The following GALNT13 variants were observed in gnomAD, a reference collection of about 807,000 sequenced individuals.
GALNT13 encodes the protein UDP-GalNAc:polypeptide N-acetylgalactosaminyltransferase 13.
Under a neutral mutation model 64.2 loss-of-function variants are expected in GALNT13, and 28 were observed. That is an observed-to-expected ratio of 0.44 (90% confidence interval 0.32 to 0.60). GALNT13 has a LOEUF of 0.60. Among genes scored for constraint, GALNT13 ranks in the 20% least tolerant of loss-of-function variants. GALNT13 has a pLI of 0.05. For synonymous variants in GALNT13, 214 were observed against 224.6 expected, an observed-to-expected ratio of 0.95 and a Z score of 0.42; for missense variants, 577 against 669.8, an observed-to-expected ratio of 0.86 and a Z score of 1.53.
intron 3 of GALNT13, among the ~76,000 whole-genome samples, chr2:154,028,656 TCAC>T (rs1312288637): frequency 6.6e-6 from 1 of 152,110 alleles, no homozygotes; most frequent in Non-Finnish European, 1.5e-5. Context: ...TTAACTTGAC[TCAC>T]ATTTTTATTA....
chr2:153,731,748 A>G, the GALNT13 span, among the ~76,000 whole-genome samples: 4 of 152,110 alleles, frequency 2.6e-5, no homozygotes, highest in South Asian at 8.3e-4. Context: ...ATATTTGCCA[A>G]TTTTATATTT....
chr2:154,310,040 A>G (rs1033924152), intron 9 of GALNT13, among the ~76,000 whole-genome samples: 5 of 152,172 alleles, frequency 3.3e-5, no homozygotes, highest in South Asian at 2.1e-4. Context: ...GCTCCCTTTT[A>G]CCTTGAAGGT....
chr2:154,179,461 A>G (rs1409160910), intron 4 of GALNT13, among the ~76,000 whole-genome samples: 1 of 152,072 alleles, frequency 6.6e-6, no homozygotes, highest in Non-Finnish European at 1.5e-5. Flanking sequence ...CTTCCTGTTG[A>G]TTCTCTCATA....
At chr2:153,259,233 G>T in the GALNT13 span, among the ~76,000 whole-genome samples, 1 of 152,066 alleles carries the variant, frequency 6.6e-6, no homozygotes, top group Non-Finnish European at 1.5e-5. Context: ...TCTGAAATAA[G>T]TATAGCTTCT....
chr2:153,196,694 C>T, the GALNT13 span, among the ~76,000 whole-genome samples: 1 of 152,102 alleles, frequency 6.6e-6, no homozygotes, highest in Non-Finnish European at 1.5e-5. Context: ...TTTCTGCCTG[C>T]CCCTCTGCCC....
At chr2:153,613,984 A>G in the GALNT13 span, among the ~76,000 whole-genome samples, 7 of 152,118 alleles carry the variant, frequency 4.6e-5, no homozygotes, top group Admixed American at 3.9e-4. Context: ...CACGTTGTGC[A>G]CATGTACCCT....
chr2:154,188,912 T>G (rs1254262904), intron 4 of GALNT13, among the ~76,000 whole-genome samples: 1 of 152,158 alleles, frequency 6.6e-6, no homozygotes, highest in Non-Finnish European at 1.5e-5. Context: ...TGCCATTACT[T>G]TTAATGGCAA....
the GALNT13 span, among the ~76,000 whole-genome samples, chr2:153,129,315 G>A: frequency 6.6e-6 from 1 of 152,098 alleles, no homozygotes; most frequent in African/African-American, 2.4e-5. Context: ...CTTGTGCAAG[G>A]TGCTTAGGTG....
chr2:154,310,920 C>G (rs1224644569), intron 9 of GALNT13, among the ~76,000 whole-genome samples: 1 of 85,988 alleles, frequency 1.2e-5, no homozygotes, highest in East Asian at 4.9e-4. Flanking sequence ...AAGTATCAAA[C>G]AATTAGCTGT....
the GALNT13 span, among the ~76,000 whole-genome samples, chr2:153,492,103 A>G: frequency 6.6e-6 from 1 of 152,238 alleles, no homozygotes; most frequent in Non-Finnish European, 1.5e-5. Flanking sequence ...AGGAGTTCAG[A>G]GGATTCTGGC....
At chr2:153,351,448 G>T in the GALNT13 span, among the ~76,000 whole-genome samples, 119,005 of 152,072 alleles carry the variant, frequency 0.78, 47,343 homozygotes, top group Middle Eastern at 0.86. Flanking sequence ...TTATAACTGA[G>T]GAACCTACGT....
chr2:154,142,887 T>C (rs67008697), intron 4 of GALNT13, among the ~76,000 whole-genome samples: 7,097 of 152,130 alleles, frequency 0.047, 219 homozygotes, highest in South Asian at 0.11. Flanking sequence ...TAAAAGTACA[T>C]ACAATAAGCA....
At chr2:153,396,073 C>A in the GALNT13 span, among the ~76,000 whole-genome samples, 87 of 152,204 alleles carry the variant, frequency 5.7e-4, no homozygotes, top group African/African-American at 1.9e-3. Flanking sequence ...GCTTTGCTTA[C>A]AAAATCAGGC....
chr2:153,187,379 T>G, the GALNT13 span: 1 of 152,200 alleles, frequency 6.6e-6, no homozygotes, highest in Non-Finnish European at 1.5e-5. Context: ...ATGGAGAATC[T>G]TTTCAGTGTG....
At chr2:153,367,306 A>G in the GALNT13 span, among the ~76,000 whole-genome samples, 12 of 152,086 alleles carry the variant, frequency 7.9e-5, no homozygotes, top group Admixed American at 3.9e-4. Flanking sequence ...ATATACCAAT[A>G]TGAGATCATT....
intron 9 of GALNT13, among the ~76,000 whole-genome samples, chr2:154,302,410 GACA>G (rs1693494857): frequency 6.6e-6 from 1 of 152,114 alleles, no homozygotes. Flanking sequence ...AACCCATCAG[GACA>G]ACAACAAAAA....
the GALNT13 span, among the ~76,000 whole-genome samples, chr2:153,434,526 C>A: frequency 6.6e-6 from 1 of 152,316 alleles, no homozygotes; most frequent in South Asian, 2.1e-4. Context: ...ACCATTCTAA[C>A]TGGTGTGAGA....
At chr2:154,225,816 G>A (rs1014637775) in intron 4 of GALNT13, among the ~76,000 whole-genome samples, 3 of 152,000 alleles carry the variant, frequency 2.0e-5, no homozygotes, top group Non-Finnish European at 2.9e-5. Context: ...AAAGGGGTAC[G>A]ATATAATGCC....
the GALNT13 span, among the ~76,000 whole-genome samples, chr2:153,646,307 T>A: frequency 1.1e-4 from 16 of 152,020 alleles, no homozygotes; most frequent in African/African-American, 3.9e-4. Context: ...AAGATTATAG[T>A]TTTAAGACTT....
Sources: allele counts gnomAD v4.1 joint callset (sites outside exome capture counted in the v4.1 genomes callset), GRCh38; gene constraint gnomAD v4.1.1; transcripts MANE v1.5; gene names NCBI Gene and HGNC (gene_info 2026-07-23, HGNC 2026-07-21).